Variants in RAB28 observed in about 807,000 individuals in gnomAD.
RAB28 encodes the protein RAB28, member RAS oncogene family, also known as ras-related protein Rab-28.
In RAB28, 24 loss-of-function variants were observed where a neutral mutation model predicts 31.7. The ratio of observed to expected loss-of-function variants is 0.76; its 90% CI spans 0.55 to 1.06. RAB28 has a LOEUF of 1.06. Ranked by LOEUF, RAB28 falls within the 50% of genes least tolerant of loss-of-function variation. RAB28 has a pLI of 0.00. For missense variants in RAB28, 254 were observed against 258.5 expected, an observed-to-expected ratio of 0.98 and a Z score of 0.12; for synonymous variants, 100 against 90.4, an observed-to-expected ratio of 1.11 and a Z score of -0.60.
intron 6 of RAB28, chr4:13,371,598 G>C (rs970677020): frequency 1.0e-6 from 1 of 985,246 alleles, no homozygotes; most frequent in African/African-American, 1.7e-5. Context: ...TTGACTCTTT[G>C]ACATAAAGCT....
chr4:13,468,213 T>C (rs80232225), intron 3 of RAB28, among the ~76,000 whole-genome samples: 9 of 152,118 alleles, frequency 5.9e-5, no homozygotes, highest in African/African-American at 9.6e-5. Flanking sequence ...AAGGGTACAG[T>C]TGATCTGAAC....
intron 4 of RAB28, among the ~76,000 whole-genome samples, chr4:13,451,355 T>C (rs113716456): frequency 6.6e-6 from 1 of 151,620 alleles, no homozygotes; most frequent in African/African-American, 2.4e-5. Context: ...TCTGTTCAGA[T>C]CATTTGCCCA....
At chr4:13,427,320 C>T (rs1374961203) in intron 4 of RAB28, among the ~76,000 whole-genome samples, 1 of 152,160 alleles carries the variant, frequency 6.6e-6, no homozygotes, top group Non-Finnish European at 1.5e-5. Flanking sequence ...TTGCTATAAA[C>T]AAATGGCAAA....
rs547506555 is a variant in RAB28 at position 13,483,175 on chromosome 4, T to C, written c.75+901A>G. On this transcript the variant is annotated intron_variant, in intron 1 of 6. Coordinates refer to ENST00000330852, the MANE Select transcript of RAB28 (RefSeq NM_001017979.3). Reference sequence around the variant, plus strand: ...GACCCCTCTGAGATCTTATGGACCCTCTCCCCAGAGCACGTACCGGGCAGT... The same window carrying C: ...GACCCCTCTGAGATCTTATGGACCCCCTCCCCAGAGCACGTACCGGGCAGT... Among the ~76,000 whole-genome samples, 5 of 152,206 alleles carry C rather than the reference T, an allele frequency of 3.3e-5. No homozygotes were observed. In the South Asian group the frequency reaches 1.0e-3, roughly 32 times the overall value.
At chr4:13,383,419 A>G (rs193054592) in intron 4 of RAB28, among the ~76,000 whole-genome samples, 10 of 152,272 alleles carry the variant, frequency 6.6e-5, no homozygotes, top group Admixed American at 5.9e-4. Context: ...TACTCAAACA[A>G]AAGTTTTTTT....
At chr4:13,411,786 T>C (rs1712454325) in intron 4 of RAB28, among the ~76,000 whole-genome samples, 6 of 151,634 alleles carry the variant, frequency 4.0e-5, no homozygotes, top group African/African-American at 9.7e-5. Context: ...GTTAATTGAT[T>C]ACAAAAACAA....
At chr4:13,415,132 T>C (rs1000166966) in intron 4 of RAB28, among the ~76,000 whole-genome samples, 2 of 152,216 alleles carry the variant, frequency 1.3e-5, no homozygotes, top group African/African-American at 4.8e-5. Flanking sequence ...TATAATGACA[T>C]CATCAAAAGA....
At chr4:13,398,504 C>T (rs573843077) in intron 4 of RAB28, among the ~76,000 whole-genome samples, 27 of 152,258 alleles carry the variant, frequency 1.8e-4, no homozygotes, top group African/African-American at 6.5e-4. Flanking sequence ...GTCGGCCGGG[C>T]GCGGTGGCTC....
chr4:13,381,889 G>C (rs1250031695), intron 4 of RAB28, among the ~76,000 whole-genome samples: 1 of 152,108 alleles, frequency 6.6e-6, no homozygotes, highest in Non-Finnish European at 1.5e-5. Context: ...ATTATCATCT[G>C]TATAAGTTCA....
chr4:13,428,993 G>A (rs867637478), intron 4 of RAB28, among the ~76,000 whole-genome samples: 13 of 145,564 alleles, frequency 8.9e-5, no homozygotes, highest in African/African-American at 2.8e-4. Context: ...TGCCCAGGCT[G>A]GAATGCAGTG....
rs774499964 is a variant in RAB28, at chr4:13,396,410, T to A, written c.392-14816A>T. On this transcript the variant is annotated intron_variant, in intron 4 of 6. Transcript: ENST00000330852. Reference sequence around the variant, plus strand: ...GACAGATGAAATACATTAATTTGATTGTGAGCATGTGTTTAATTTTACCCT... The same window carrying A: ...GACAGATGAAATACATTAATTTGATAGTGAGCATGTGTTTAATTTTACCCT... 2.3e-4 allele frequency among the ~76,000 whole-genome samples: 35 copies of A among 152,058 alleles called. 1 individual carries two copies. The highest frequency in any genetic ancestry group is 3.5e-4 in the Non-Finnish European group (24 of 67,894).
chr4:13,424,267 CAGGGCCAAGTGCCATCTGA>C (rs1449433206), intron 4 of RAB28, among the ~76,000 whole-genome samples: 4 of 152,176 alleles, frequency 2.6e-5, no homozygotes, highest in African/African-American at 9.7e-5. Context: ...AAGATGTTGA[CAGGGCCAAGTGCCATCTGA>C]AGGCTCTAAG....
At chr4:13,479,675 A>C (rs1716522084) in intron 1 of RAB28, 149 bp from the exon 2 acceptor site, 1 of 579,578 alleles carries the variant, frequency 1.7e-6, no homozygotes, top group Non-Finnish European at 3.0e-6. Flanking sequence ...CAAGGAGGGG[A>C]GAGACTTAAC....
chr4:13,387,272 A>T (rs1729412912), intron 4 of RAB28, among the ~76,000 whole-genome samples: 1 of 152,132 alleles, frequency 6.6e-6, no homozygotes, highest in African/African-American at 2.4e-5. Context: ...GGAAGTTAAC[A>T]TGATTAGCAA....
chr4:13,433,544 A>C (rs1713933519), intron 4 of RAB28, among the ~76,000 whole-genome samples: 2 of 152,224 alleles, frequency 1.3e-5, no homozygotes, highest in Non-Finnish European at 2.9e-5. Flanking sequence ...AGTAGCCAAC[A>C]AACATAAGAA....
In RAB28 at chr4:13,479,455, G is replaced by C; in HGVS notation, c.147C>G (p.Phe49Leu). The change falls in exon 2 of 7, where the codon TTC becomes TTG. Residue 49 changes from phenylalanine (F) to leucine (L), a missense_variant. Physicochemically the swap from Phe to Leu is conservative, Grantham distance 22. Coordinates refer to ENST00000330852, the MANE Select transcript of RAB28 (RefSeq NM_001017979.3). ...CTGGCAATGTTATCCTTCTCAAAAAGAAATCCAGTCCTATAGTTTGTTTGT... is the reference window on the plus strand; with the variant it reads ...CTGGCAATGTTATCCTTCTCAAAAACAAATCCAGTCCTATAGTTTGTTTGT... ...KQYKQTIGLD[F>L]FLRRITLPGN... The C allele has an allele frequency of 6.2e-7, 1 of 1,606,636 alleles. No homozygotes were observed. Among genetic ancestry groups the C allele is most frequent in the Non-Finnish European group, 8.5e-7 (1 of 1,174,770 alleles).
At chr4:13,410,706 C>T (rs908373248) in intron 4 of RAB28, among the ~76,000 whole-genome samples, 1 of 151,950 alleles carries the variant, frequency 6.6e-6, no homozygotes, top group Non-Finnish European at 1.5e-5. Flanking sequence ...AAAGAAAAAA[C>T]TGTGTGTGTG....
intron 4 of RAB28, among the ~76,000 whole-genome samples, chr4:13,435,600 C>T (rs917571440): frequency 4.6e-5 from 7 of 152,120 alleles, no homozygotes; most frequent in African/African-American, 1.7e-4. Flanking sequence ...CAAACACGTC[C>T]ATGTGCACAA....
intron 4 of RAB28, chr4:13,460,046 C>A: frequency 4.3e-6 from 2 of 464,858 alleles, no homozygotes; most frequent in Non-Finnish European, 7.3e-6. Context: ...ATTGTACACA[C>A]TCTTAGGAAT....
Sources: gnomAD v4.1 joint callset for allele counts (sites outside exome capture counted in the v4.1 genomes callset) on GRCh38, gnomAD v4.1.1 for gene constraint, MANE v1.5 for transcripts, NCBI Gene and HGNC (gene_info 2026-07-23, HGNC 2026-07-21) for gene names.